RIT2: variants seen among roughly 807,000 people sequenced by gnomAD.
RIT2 encodes GTP-binding protein Rit2.
In RIT2, 24 loss-of-function variants were observed where a neutral mutation model predicts 23.7. The ratio of observed to expected loss-of-function variants is 1.01; its 90% CI spans 0.73 to 1.43. The LOEUF (loss-of-function observed/expected upper bound fraction) is 1.43. RIT2 is among the 40% of genes most tolerant of loss of function. The pLI, the probability that RIT2 is intolerant of heterozygous loss-of-function variation, is 0.00. For missense variants in RIT2, 236 were observed against 266.9 expected (o/e 0.88, Z 0.81); for synonymous variants, 107 against 91.1 (o/e 1.17, Z -0.99).
chr18:42,749,530 T>C (rs1369782705), intron 4 of RIT2, among the ~76,000 whole-genome samples: 4 of 151,934 alleles, frequency 2.6e-5, no homozygotes, highest in South Asian at 2.1e-4. Context: ...AAACATGAAT[T>C]CTTTTTATAA....
chr18:43,086,690 T>C (rs1913290575), intron 1 of RIT2, among the ~76,000 whole-genome samples: 1 of 151,946 alleles, frequency 6.6e-6, no homozygotes, highest in African/African-American at 2.4e-5. Context: ...AAATAAAGCA[T>C]GCAAAGGGAG....
At chr18:43,100,911 C>A (rs1196469423) in intron 1 of RIT2, among the ~76,000 whole-genome samples, 1 of 151,632 alleles carries the variant, frequency 6.6e-6, no homozygotes, top group African/African-American at 2.4e-5. Context: ...TGAAAGGAGA[C>A]TACGTAGGTG....
chr18:43,096,609 T>C (rs1598782629), intron 1 of RIT2, among the ~76,000 whole-genome samples: 1 of 152,008 alleles, frequency 6.6e-6, no homozygotes, highest in Non-Finnish European at 1.5e-5. Context: ...TTTATCAGCC[T>C]ACAATAATAT....
At chr18:42,982,518 A>G (rs1156884465) in intron 2 of RIT2, among the ~76,000 whole-genome samples, 5 of 152,160 alleles carry the variant, frequency 3.3e-5, no homozygotes, top group African/African-American at 1.2e-4. Flanking sequence ...TATCATCTTG[A>G]CACCCATACA....
chr18:43,017,433 A>G (rs1046958229), intron 2 of RIT2, among the ~76,000 whole-genome samples: 5 of 152,186 alleles, frequency 3.3e-5, no homozygotes, highest in Admixed American at 3.3e-4. Context: ...ATTTGATTTC[A>G]TAACACAATT....
intron 4 of RIT2, among the ~76,000 whole-genome samples, chr18:42,820,608 G>A (rs1237720286): frequency 1.3e-5 from 2 of 151,984 alleles, no homozygotes; most frequent in Non-Finnish European, 2.9e-5. Flanking sequence ...GTTTGCCTTC[G>A]CCCTTGTACT....
rs529888674 is a variant in RIT2 at position 42,893,314 on chromosome 18, T to C, written c.426+30258A>G. ...TAGTCTTGTTAATGCAAATAATAAATATTTATTTCTCACAGTTCTGGAGGC... is the reference window on the plus strand; with the variant it reads ...TAGTCTTGTTAATGCAAATAATAAACATTTATTTCTCACAGTTCTGGAGGC... On this transcript the variant is annotated intron_variant, in intron 4 of 4. Coordinates refer to ENST00000326695, the MANE Select transcript of RIT2 (RefSeq NM_002930.4). 1.7e-4 allele frequency among the ~76,000 whole-genome samples: 26 copies of C among 151,984 alleles called. 1 individual carries two copies. Among genetic ancestry groups the C allele is most frequent in the African/African-American group, 6.3e-4 (26 of 41,454 alleles).
At chr18:42,953,129 C>A (rs964824791) in intron 3 of RIT2, among the ~76,000 whole-genome samples, 11 of 152,120 alleles carry the variant, frequency 7.2e-5, no homozygotes, top group Non-Finnish European at 1.6e-4. Context: ...AGCAATCTCT[C>A]ATCCATTGTC....
intron 1 of RIT2, among the ~76,000 whole-genome samples, chr18:43,108,938 C>T (rs114154682): frequency 7.9e-4 from 121 of 152,280 alleles, no homozygotes; most frequent in African/African-American, 2.7e-3. Flanking sequence ...CGCATGGCCA[C>T]GATGTGACAA....
chr18:42,761,045 A>G (rs2143899699), intron 4 of RIT2, among the ~76,000 whole-genome samples: 1 of 152,340 alleles, frequency 6.6e-6, no homozygotes, highest in Non-Finnish European at 1.5e-5. Flanking sequence ...TTCATTTGCA[A>G]AAGCAATCAC....
chr18:42,988,335 C>T (rs921764631), intron 2 of RIT2, among the ~76,000 whole-genome samples: 1 of 152,112 alleles, frequency 6.6e-6, no homozygotes, highest in African/African-American at 2.4e-5. Context: ...ATAAAATTAA[C>T]CCATGATTTG....
At chr18:42,751,167 C>T (rs989365343) in intron 4 of RIT2, among the ~76,000 whole-genome samples, 6 of 151,848 alleles carry the variant, frequency 4.0e-5, no homozygotes, top group Non-Finnish European at 7.4e-5. Context: ...GGTGCCCTGA[C>T]ATTGAGTTAT....
At chr18:42,897,635 T>G (rs1259957429) in intron 4 of RIT2, among the ~76,000 whole-genome samples, 1 of 151,964 alleles carries the variant, frequency 6.6e-6, no homozygotes, top group Non-Finnish European at 1.5e-5. Context: ...TCATGGCGGA[T>G]GTAGTTAGGG....
intron 1 of RIT2, among the ~76,000 whole-genome samples, chr18:43,076,265 C>T (rs1253023388): frequency 4.6e-5 from 7 of 152,074 alleles, no homozygotes; most frequent in African/African-American, 2.4e-5. Context: ...ATGTGTTGAC[C>T]GATTTCTGCA....
intron 4 of RIT2, among the ~76,000 whole-genome samples, chr18:42,910,829 A>G (rs1424512549): frequency 6.6e-6 from 1 of 152,176 alleles, no homozygotes; most frequent in Non-Finnish European, 1.5e-5. Flanking sequence ...AAAAACCGAT[A>G]GAGCAGAATG....
intron 1 of RIT2, among the ~76,000 whole-genome samples, chr18:43,092,701 C>A (rs902087348): frequency 6.6e-6 from 1 of 151,970 alleles, no homozygotes; most frequent in Non-Finnish European, 1.5e-5. Context: ...TTGAAGGCAG[C>A]ATTTTACGTC....
intron 2 of RIT2, among the ~76,000 whole-genome samples, chr18:42,983,124 T>G (rs1910634289): frequency 6.6e-6 from 1 of 152,044 alleles, no homozygotes; most frequent in South Asian, 2.1e-4. Context: ...ACAGCTACAA[T>G]AATCAAAACA....
chr18:43,061,478 C>T (rs1213902106), intron 1 of RIT2, among the ~76,000 whole-genome samples: 1 of 152,102 alleles, frequency 6.6e-6, no homozygotes, highest in Non-Finnish European at 1.5e-5. Context: ...CCTAGGCAGA[C>T]AGGGACAGGT....
intron 1 of RIT2, 47 bp downstream of exon 1, chr18:43,115,356 ACTCTATAGAGTTGT>A: frequency 6.3e-7 from 1 of 1,583,296 alleles, no homozygotes; most frequent in Non-Finnish European, 8.6e-7. Context: ...TTTTTCTTTC[ACTCTATAGAGTTGT>A]CTCTATAGAG....
Sources: gnomAD v4.1 joint callset for allele counts (sites outside exome capture counted in the v4.1 genomes callset) on GRCh38, gnomAD v4.1.1 for gene constraint, MANE v1.5 for transcripts, NCBI Gene and HGNC (gene_info 2026-07-23, HGNC 2026-07-21) for gene names.